The following TKT variants were observed in gnomAD, a reference collection of about 807,000 sequenced individuals.
TKT encodes the protein epididymis luminal protein 107.
Under a neutral mutation model 63.9 loss-of-function variants are expected in TKT, and 47 were observed. The ratio of observed to expected loss-of-function variants is 0.74; its 90% CI spans 0.58 to 0.94. The LOEUF is 0.94. Ranked by LOEUF, TKT falls within the 40% of genes least tolerant of loss-of-function variation. The pLI is 0.00. For missense variants in TKT, 721 were observed against 846.2 expected, an observed-to-expected ratio of 0.85 and a Z score of 1.84; for synonymous variants, 338 against 334.1, an observed-to-expected ratio of 1.01 and a Z score of -0.13.
At position 53,229,374 on chromosome 3, in the gene TKT, T is replaced by C. The variant is rs201588631; in HGVS notation, c.1170A>G (p.Ala390=). 2.7e-5 allele frequency: 43 copies of C among 1,613,290 alleles called. No individual in the cohort carries two copies. The East Asian group carries it at 8.9e-4, about 33-fold the overall frequency. The change falls in exon 9 of 14, where the codon GCA becomes GCG. Residue 390 remains alanine, a synonymous_variant. Transcript: ENST00000462138. ...NRTVPFCSTF[A]AFFTRAFDQI... ...GGTCAAAGGCCCGCGTGAAGAAGGC[T>C]GCAAAAGTGCTGCAGAAGGGCACCG...
At chr3:53,231,249 A>C in intron 7 of TKT, 108 bp downstream of exon 7, 1 of 1,280,264 alleles carries the variant, frequency 7.8e-7, no homozygotes, top group Non-Finnish European at 1.1e-6. Context: ...TCCTCGCCCT[A>C]AATGAATCGC....
intron 1 of TKT, among the ~76,000 whole-genome samples, chr3:53,251,880 C>T (rs1170785450): frequency 6.6e-6 from 1 of 152,210 alleles, no homozygotes; most frequent in Non-Finnish European, 1.5e-5. Flanking sequence ...TGGCTCACGC[C>T]TATAATCCCA....
chr3:53,225,793 A>G lies in TKT; in HGVS notation c.1835T>C (p.Ile612Thr), dbSNP rs1704470942. Residue 612 changes from isoleucine to threonine, a missense_variant, in exon 14 of 14, where the codon ATT becomes ACT. Ile to Thr is a moderately conservative substitution (Grantham distance 89). Transcript: ENST00000462138. ...LKMFGIDRDA[I>T]AQAVRGLITK... Reference sequence around the variant, plus strand: ...GATGAGGCCCCTCACAGCTTGTGCAATGGCATCCCTGTCGATACCAAACAT... The same window carrying G: ...GATGAGGCCCCTCACAGCTTGTGCAGTGGCATCCCTGTCGATACCAAACAT... The G allele has an allele frequency of 3.7e-6, 6 of 1,613,944 alleles. No homozygotes were observed. The highest frequency in any genetic ancestry group is 5.1e-6 in the Non-Finnish European group (6 of 1,179,890).
chr3:53,251,955 G>A (rs1463141184), intron 1 of TKT, among the ~76,000 whole-genome samples: 1 of 152,240 alleles, frequency 6.6e-6, no homozygotes, highest in Non-Finnish European at 1.5e-5. Context: ...ACCTCAACAT[G>A]GAGAAACCCC....
chr3:53,232,232 G>A (rs949995270), intron 6 of TKT: 2 of 397,986 alleles, frequency 5.0e-6, no homozygotes, highest in African/African-American at 2.1e-5. Flanking sequence ...AGCTGCAAGT[G>A]GTCCAGATCC....
Position 53,226,790 on chromosome 3 carries a change from G to A in TKT, c.1662C>T (p.Gly554=). 1 of 1,614,186 alleles carries A rather than the reference G, an allele frequency of 6.2e-7. No individual in the cohort carries two copies. The highest frequency in any genetic ancestry group is 8.5e-7 in the Non-Finnish European group (1 of 1,180,014). ...LILDSARATK[G]RILTVEDHYY... is the part of the protein sequence containing the mutation. ...AATGGTCCTCCACGGTGAGGATCCTGCCCTTGGTGGCACGAGCGCTGTCGA... is the reference window on the plus strand; with the variant it reads ...AATGGTCCTCCACGGTGAGGATCCTACCCTTGGTGGCACGAGCGCTGTCGA... The change falls in exon 13 of 14, where the codon GGC becomes GGT. Residue 554 remains glycine, a synonymous_variant. Coordinates refer to ENST00000462138, the MANE Select transcript of TKT (RefSeq NM_001064.4).
intron 5 of TKT, chr3:53,233,709 C>T: frequency 6.5e-6 from 1 of 153,930 alleles, no homozygotes; most frequent in East Asian, 1.9e-4. Context: ...GGATGTGGTG[C>T]TGGAAATGTT....
intron 1 of TKT, among the ~76,000 whole-genome samples, chr3:53,249,942 G>A (rs1705676955): frequency 6.6e-6 from 1 of 151,976 alleles, no homozygotes; most frequent in African/African-American, 2.4e-5. Context: ...TGCCACAAGA[G>A]ACAATGAATG....
At chr3:53,242,681 T>C (rs7610113) in intron 1 of TKT, among the ~76,000 whole-genome samples, 108,940 of 151,960 alleles carry the variant, frequency 0.72, 39,697 homozygotes, top group Non-Finnish European at 0.77. Flanking sequence ...AGCCAAGGGG[T>C]GCCGGCATTC....
chr3:53,249,795 G>A (rs1178127121), intron 1 of TKT, among the ~76,000 whole-genome samples: 1 of 152,164 alleles, frequency 6.6e-6, no homozygotes, highest in African/African-American at 2.4e-5. Flanking sequence ...TTCAGGGCAG[G>A]AGCAGAGCCT....
Position 53,255,921 on chromosome 3 carries a change from C to G in TKT, c.22G>C (p.Asp8His). The G allele has an allele frequency of 6.5e-7, 1 of 1,544,692 alleles. No individual in the cohort carries two copies. Among genetic ancestry groups the G allele is most frequent in the Non-Finnish European group, 8.7e-7 (1 of 1,145,308 alleles). MESYHKP[D>H]QQKLQALKDT... is the part of the protein sequence containing the mutation. ...TTCAAGGCCTGCAGCTTCTGCTGGT[C>G]AGGCTTGTGGTAGCTCTCCATGGTG... Residue 8 changes from aspartate to histidine, a missense_variant, in exon 1 of 14, where the codon GAC (aspartate) becomes CAC (histidine). By Grantham distance (81) the Asp-to-His change is moderately conservative (BLOSUM62 -1). Coordinates refer to ENST00000462138, the MANE Select transcript of TKT (RefSeq NM_001064.4).
At chr3:53,231,697 C>T (rs1437991944) in intron 6 of TKT, 147 bp from the exon 7 acceptor site, 21 of 794,436 alleles carry the variant, frequency 2.6e-5, no homozygotes, top group African/African-American at 2.1e-4. Flanking sequence ...CAGCCAGGCA[C>T]GGGGGCCAGG....
At chr3:53,254,431 G>T (rs1705889896) in intron 1 of TKT, among the ~76,000 whole-genome samples, 1 of 152,212 alleles carries the variant, frequency 6.6e-6, no homozygotes, top group African/African-American at 2.4e-5. Flanking sequence ...GGCTTTGAAA[G>T]ACATCTAATC....
Position 53,240,379 on chromosome 3 carries a change from AGAG to A in TKT, c.340-34_340-32del, listed in dbSNP as rs782610645. The A allele has an allele frequency of 6.0e-5, 96 of 1,593,946 alleles. 2 individuals carry two copies. The Middle Eastern group carries it at 2.5e-3, about 41-fold the overall frequency. On this transcript the variant is annotated intron_variant, in intron 3 of 13. Transcript: ENST00000462138. ...ATAACAGAAGGCCACCGTTAATCTG[AGAG>A]GAGAAGGGATCCTGGTCTCACCCGC... is the stretch of plus-strand genomic sequence containing the variant.
rs781880154 is a variant in TKT, at chr3:53,240,261, C to T, written c.427G>A (p.Asp143Asn). ...CGMAYTGKYFDKASYRVYCLL... is the reference protein window; with the variant it reads ...CGMAYTGKYFNKASYRVYCLL... Reference sequence around the variant, plus strand: ...GAGTAGGTGTGTTACCTGGCCTTGTCGAAGTATTTGCCGGTGTAGGCCATC... The same window carrying T: ...GAGTAGGTGTGTTACCTGGCCTTGTTGAAGTATTTGCCGGTGTAGGCCATC... Residue 143 changes from aspartate (D) to asparagine (N), a missense_variant, in exon 4 of 14, where the codon GAC (aspartate) becomes AAC (asparagine). Transcript: ENST00000462138. 9 of 1,612,626 alleles carry T rather than the reference C, an allele frequency of 5.6e-6. No individual in the cohort carries two copies. The South Asian group carries it at 6.6e-5, about 12-fold the overall frequency.
intron 12 of TKT, 33 bp downstream of exon 12, chr3:53,228,023 C>A: frequency 6.3e-7 from 1 of 1,594,704 alleles, no homozygotes; most frequent in South Asian, 1.1e-5. Context: ...AGTGGCCGCT[C>A]AGTTGATGAC....
intron 8 of TKT, 54 bp from the exon 9 acceptor site, chr3:53,229,490 G>A (rs537539623): frequency 3.2e-6 from 5 of 1,552,188 alleles, no homozygotes; most frequent in Admixed American, 3.8e-5. Context: ...GGGTGGTCGG[G>A]GAGCCTAGGA....
At chr3:53,229,481 G>T (rs1247102020) in intron 8 of TKT, 45 bp from the exon 9 acceptor site, 1 of 1,566,840 alleles carries the variant, frequency 6.4e-7, no homozygotes, top group Non-Finnish European at 8.6e-7. Context: ...GCAGGCAGAG[G>T]GTGGTCGGGG....
rs562304422 is a variant in TKT at position 53,243,108 on chromosome 3, C to T, written c.108-866G>A. Among the ~76,000 whole-genome samples, 4 of 152,248 alleles carry T rather than the reference C, an allele frequency of 2.6e-5. No homozygotes were observed. The South Asian group carries it at 8.3e-4, about 32-fold the overall frequency. On this transcript the variant is annotated intron_variant, in intron 1 of 13. Coordinates refer to ENST00000462138, the MANE Select transcript of TKT (RefSeq NM_001064.4). ...GACAAAGCAAGAACCTGCCTTCCAG[C>T]CTGGGAGTGGTGGGGCCACGGAGTC...
Sources: allele counts gnomAD v4.1 joint callset (sites outside exome capture counted in the v4.1 genomes callset), GRCh38; gene constraint gnomAD v4.1.1; transcripts MANE v1.5; gene names NCBI Gene and HGNC (gene_info 2026-07-23, HGNC 2026-07-21).